CGNL1: variants seen among roughly 807,000 people sequenced by gnomAD.
CGNL1 encodes the protein cingulin like 1, also known as cingulin-like protein 1.
A neutral mutation model predicts 141.2 loss-of-function variants in CGNL1; 132 were observed. That is an observed-to-expected ratio of 0.93 (90% CI 0.81 to 1.08). The LOEUF is 1.08. CGNL1 is among the 50% of genes least tolerant of loss of function. The pLI, the probability that CGNL1 is intolerant of heterozygous loss-of-function variation, is 0.00. For missense variants in CGNL1, 1,870 were observed against 1,588.6 expected (o/e 1.18, Z -3.01); for synonymous variants, 690 against 622.1 (o/e 1.11, Z -1.63).
Position 57,439,365 on chromosome 15 carries a change from T to C in CGNL1, c.1366T>C (p.Cys456Arg), listed in dbSNP as rs1457014035. The change falls in exon 2 of 19, where the codon TGT becomes CGT. Residue 456 changes from cysteine (C) to arginine (R), a missense_variant. By Grantham distance (180) the Cys-to-Arg change is radical. Coordinates refer to ENST00000281282, the MANE Select transcript of CGNL1 (RefSeq NM_032866.5). ...GCAGGGAGCAGCGCACGGGGCTTCA[T>C]GTGCCCACTCCAGGCCTCCCCAGCC... The part of the protein sequence containing the change: ...KLQGAAHGAS[C>R]AHSRPPQPNI... The C allele has an allele frequency of 8.7e-6, 14 of 1,614,032 alleles. No homozygotes were observed. Among genetic ancestry groups the C allele is most frequent in the Admixed American group, 1.7e-5 (1 of 60,004 alleles).
intron 18 of CGNL1, among the ~76,000 whole-genome samples, chr15:57,547,040 C>T (rs2032907067): frequency 6.6e-6 from 1 of 152,200 alleles, no homozygotes; most frequent in African/African-American, 2.4e-5. Flanking sequence ...ATAATGCATG[C>T]AATCCATGGT....
At chr15:57,408,037 C>A (rs1272942011) in intron 1 of CGNL1, among the ~76,000 whole-genome samples, 1 of 151,968 alleles carries the variant, frequency 6.6e-6, no homozygotes, top group African/African-American at 2.4e-5. Context: ...GTGTGAGCCA[C>A]CGTTACCAGC....
intron 1 of CGNL1, among the ~76,000 whole-genome samples, chr15:57,426,447 A>ATT (rs34527096): frequency 1.6e-4 from 22 of 139,888 alleles, no homozygotes; most frequent in African/African-American, 2.7e-4. Context: ...ACCAGGCCAC[A>ATT]TTTTTTTTTT....
At chr15:57,398,688 T>C (rs1181412458) in intron 1 of CGNL1, among the ~76,000 whole-genome samples, 1 of 152,242 alleles carries the variant, frequency 6.6e-6, no homozygotes, top group Non-Finnish European at 1.5e-5. Flanking sequence ...TGGTGTAAAT[T>C]GAGTTTACTC....
At chr15:57,487,569 A>G (rs1475498940) in intron 8 of CGNL1, among the ~76,000 whole-genome samples, 5 of 152,244 alleles carry the variant, frequency 3.3e-5, no homozygotes, top group Admixed American at 6.5e-5. Flanking sequence ...ATGAATCTAT[A>G]TACTCAGATT....
At chr15:57,545,950 A>G in intron 17 of CGNL1, 126 bp from the exon 18 acceptor site, 3 of 1,093,084 alleles carry the variant, frequency 2.7e-6, no homozygotes, top group Non-Finnish European at 3.9e-6. Context: ...CATGTTTCCC[A>G]AGAGACTGGC....
intron 8 of CGNL1, among the ~76,000 whole-genome samples, chr15:57,486,219 A>AT (rs2063783579): frequency 6.6e-6 from 1 of 152,136 alleles, no homozygotes; most frequent in Non-Finnish European, 1.5e-5. Context: ...TGGTCAAGGA[A>AT]TTTGGTCCCA....
chr15:57,378,354 C>G (rs1204794255), intron 1 of CGNL1, among the ~76,000 whole-genome samples: 1 of 119,728 alleles, frequency 8.4e-6, no homozygotes, highest in African/African-American at 3.1e-5. Context: ...AGGGGGTGGC[C>G]CTCTATGTGT....
At chr15:57,530,771 A>T (rs1415477127) in intron 13 of CGNL1, among the ~76,000 whole-genome samples, 1 of 152,202 alleles carries the variant, frequency 6.6e-6, no homozygotes, top group Non-Finnish European at 1.5e-5. Flanking sequence ...ACTCACAAGA[A>T]TCCTGGGTGT....
intron 10 of CGNL1, among the ~76,000 whole-genome samples, chr15:57,521,325 T>C (rs1348500904): frequency 6.6e-6 from 1 of 152,116 alleles, no homozygotes; most frequent in Non-Finnish European, 1.5e-5. Flanking sequence ...CAAATGCAAA[T>C]GATTATGGGC....
intron 1 of CGNL1, among the ~76,000 whole-genome samples, chr15:57,394,901 T>C (rs951741095): frequency 5.3e-5 from 8 of 152,202 alleles, no homozygotes; most frequent in Non-Finnish European, 1.0e-4. Flanking sequence ...CACTTGAGGT[T>C]AGGAGTTCGA....
intron 8 of CGNL1, among the ~76,000 whole-genome samples, chr15:57,483,036 C>T (rs915273163): frequency 6.6e-6 from 1 of 152,198 alleles, no homozygotes; most frequent in East Asian, 1.9e-4. Context: ...GTCCGCCCAC[C>T]GCGGCCTCCT....
chr15:57,432,999 A>G (rs2063062627), intron 1 of CGNL1, among the ~76,000 whole-genome samples: 1 of 152,232 alleles, frequency 6.6e-6, no homozygotes, highest in African/African-American at 2.4e-5. Flanking sequence ...AATTTTACTA[A>G]TAAAAGAGGA....
chr15:57,425,294 T>C (rs1310296475), intron 1 of CGNL1, among the ~76,000 whole-genome samples: 3 of 151,766 alleles, frequency 2.0e-5, no homozygotes, highest in South Asian at 2.1e-4. Context: ...AGCCCAGGAG[T>C]TGGAGGTTGC....
At position 57,397,493 on chromosome 15, in the gene CGNL1, T is replaced by C. The variant is rs148878688; in HGVS notation, c.-16+20926T>C. On this transcript the variant is annotated intron_variant, in intron 1 of 18. Coordinates refer to ENST00000281282, the MANE Select transcript of CGNL1 (RefSeq NM_032866.5). ...GACAGGGTCTTTAAGATGTCTTATT[T>C]ATTTTTTGATGTACATTTTGTAAAT... 1.7e-3 allele frequency among the ~76,000 whole-genome samples: 261 copies of C among 152,318 alleles called. No homozygotes were observed. The East Asian group carries it at 0.026, about 15-fold the overall frequency.
intron 1 of CGNL1, among the ~76,000 whole-genome samples, chr15:57,391,977 C>CT (rs1316482823): frequency 6.6e-6 from 1 of 151,354 alleles, no homozygotes; most frequent in African/African-American, 2.4e-5. Flanking sequence ...TTTCTTTCCC[C>CT]CCCCTCACCT....
At chr15:57,418,758 A>G (rs1706371) in intron 1 of CGNL1, among the ~76,000 whole-genome samples, 129,073 of 152,104 alleles carry the variant, frequency 0.85, 55,078 homozygotes, top group East Asian at 0.95. Flanking sequence ...TCCTGGCAGA[A>G]GAAGAGCAGT....
At chr15:57,450,502 C>T (rs1169247788) in intron 4 of CGNL1, among the ~76,000 whole-genome samples, 3 of 152,202 alleles carry the variant, frequency 2.0e-5, no homozygotes, top group Non-Finnish European at 4.4e-5. Flanking sequence ...GTCTCAGACT[C>T]CTGACCTCAG....
At chr15:57,528,626 A>C (rs762067644) in intron 12 of CGNL1, 28 bp from the exon 13 acceptor site, 2 of 1,612,410 alleles carry the variant, frequency 1.2e-6, no homozygotes, top group Admixed American at 3.3e-5. Flanking sequence ...GCACCCCAGA[A>C]AACCATCCCA....
Sources: gnomAD v4.1 joint callset for allele counts (sites outside exome capture counted in the v4.1 genomes callset) on GRCh38, gnomAD v4.1.1 for gene constraint, MANE v1.5 for transcripts, NCBI Gene and HGNC (gene_info 2026-07-23, HGNC 2026-07-21) for gene names.